Variants in NFIB observed in about 807,000 individuals in gnomAD.
The protein encoded by NFIB is nuclear factor 1 B-type.
Under a neutral mutation model 61.5 loss-of-function variants are expected in NFIB, and 11 were observed. The observed-to-expected ratio is 0.18, with a 90% confidence interval of 0.11 to 0.30. The LOEUF (loss-of-function observed/expected upper bound fraction) is 0.30. NFIB is among the 10% of genes least tolerant of loss of function. The pLI is 1.00. For missense variants in NFIB, 471 were observed against 608.9 expected, an observed-to-expected ratio of 0.77 and a Z score of 2.38; for synonymous variants, 260 against 216.5, an observed-to-expected ratio of 1.20 and a Z score of -1.76.
intron 2 of NFIB, among the ~76,000 whole-genome samples, chr9:14,223,587 T>C (rs2051984047): frequency 6.6e-6 from 1 of 152,150 alleles, no homozygotes; most frequent in Admixed American, 6.5e-5. Context: ...TCTCCTCTTG[T>C]GCAATTCAAT....
intron 2 of NFIB, among the ~76,000 whole-genome samples, chr9:14,209,243 T>C (rs756416927): frequency 6.6e-6 from 1 of 152,234 alleles, no homozygotes; most frequent in Non-Finnish European, 1.5e-5. Context: ...TCGTTTCCAA[T>C]ACTAAGCTGG....
chr9:14,159,456 G>A (rs2043882322), intron 3 of NFIB, among the ~76,000 whole-genome samples: 1 of 152,126 alleles, frequency 6.6e-6, no homozygotes, highest in Admixed American at 6.5e-5. Context: ...AAGGTTTCCT[G>A]AGGATGAGTG....
At chr9:14,153,537 A>T in intron 4 of NFIB, among the ~76,000 whole-genome samples, 1 of 152,124 alleles carries the variant, frequency 6.6e-6, no homozygotes, top group East Asian at 1.9e-4. Flanking sequence ...GTTAGAGGCC[A>T]ACCTTTAATC....
rs897245356 is a variant in NFIB, at chr9:14,116,447, T to C, written c.1246-101A>G. 1.1e-5 allele frequency: 13 copies of C among 1,232,202 alleles called. No homozygotes were observed. In the African/African-American group the frequency reaches 1.9e-4, roughly 18 times the overall value. The allele number at this position is 1,232,202 out of a possible 1,614,324, so 76.3% of individuals were successfully genotyped here. On this transcript the variant is annotated intron_variant, in intron 8 of 10. Transcript: ENST00000380953. Reference sequence around the variant, plus strand: ...ACACGACTGTGTGGATCCAGCACACTGCGCATAGGCGCCACACAGGCCCTC... The same window carrying C: ...ACACGACTGTGTGGATCCAGCACACCGCGCATAGGCGCCACACAGGCCCTC...
Position 14,313,664 on chromosome 9 carries a change from C to T in NFIB, c.-153G>A. The T allele has an allele frequency of 2.0e-6, 3 of 1,493,746 alleles. No individual in the cohort carries two copies. Among genetic ancestry groups the T allele is most frequent in the Non-Finnish European group, 1.8e-6 (2 of 1,122,192 alleles). The allele number at this position is 1,493,746 out of a possible 1,614,324, so 92.5% of individuals were successfully genotyped here. ...GGATCACCGCAACTTCACAACAAAC[C>T]CAGTCCTCCTTAAATAGCCAAAGAT... is the stretch of plus-strand genomic sequence containing the variant. On this transcript the variant is annotated 5_prime_UTR_variant, in exon 1 of 11. Coordinates refer to ENST00000380953, the MANE Select transcript of NFIB (RefSeq NM_001190737.2). This position sits in a 1 kb window ranked among gnomAD's most constrained non-coding sequence, Gnocchi z 4.5.
chr9:14,385,053 C>G (rs761900741), intron 1 of NFIB, among the ~76,000 whole-genome samples: 10 of 152,234 alleles, frequency 6.6e-5, no homozygotes, highest in Non-Finnish European at 1.3e-4. Context: ...TTCGCTCCAA[C>G]TTAGCTAAAG....
intron 2 of NFIB, among the ~76,000 whole-genome samples, chr9:14,193,836 A>T (rs1297685021): frequency 6.6e-6 from 1 of 152,218 alleles, no homozygotes; most frequent in Non-Finnish European, 1.5e-5. Flanking sequence ...AACATACAGC[A>T]TCAATTCACA....
At chr9:14,236,810 C>G (rs996153060) in intron 2 of NFIB, among the ~76,000 whole-genome samples, 5 of 150,870 alleles carry the variant, frequency 3.3e-5, no homozygotes, top group Non-Finnish European at 7.4e-5. Flanking sequence ...TGCTGATTAG[C>G]AAACAGTAAA....
chr9:14,385,551 A>C (rs1021935258), intron 1 of NFIB, among the ~76,000 whole-genome samples: 8 of 152,232 alleles, frequency 5.3e-5, no homozygotes, highest in Non-Finnish European at 1.5e-5. Context: ...GCATATGTTA[A>C]TATGAATAAC....
At chr9:14,215,246 G>C (rs2050731585) in intron 2 of NFIB, among the ~76,000 whole-genome samples, 1 of 148,166 alleles carries the variant, frequency 6.7e-6, no homozygotes, top group Non-Finnish European at 1.5e-5. Flanking sequence ...CAGCATATTG[G>C]AACCGAAGAA....
chr9:14,154,394 C>T (rs1244835416), intron 4 of NFIB, among the ~76,000 whole-genome samples: 2 of 152,148 alleles, frequency 1.3e-5, no homozygotes, highest in Non-Finnish European at 2.9e-5. Context: ...ATGGGGAAGA[C>T]ACACACACCC....
chr9:14,206,555 C>T (rs2049745461), intron 2 of NFIB, among the ~76,000 whole-genome samples: 1 of 151,790 alleles, frequency 6.6e-6, no homozygotes. Context: ...CCTTTTCTTC[C>T]TTGAGAGTTT....
At chr9:14,465,804 C>T in the NFIB span, among the ~76,000 whole-genome samples, 1 of 152,128 alleles carries the variant, frequency 6.6e-6, no homozygotes, top group Non-Finnish European at 1.5e-5. Flanking sequence ...TGTGGGGGCC[C>T]ATCCTGTGCA....
chr9:14,421,096 A>AAT, the NFIB span, among the ~76,000 whole-genome samples: 31 of 151,962 alleles, frequency 2.0e-4, no homozygotes, highest in African/African-American at 6.0e-4. Flanking sequence ...AAAAAAAAAA[A>AAT]AATAAGGCAT....
At chr9:14,374,837 G>A (rs1417258745) in intron 1 of NFIB, among the ~76,000 whole-genome samples, 1 of 152,154 alleles carries the variant, frequency 6.6e-6, no homozygotes, top group Non-Finnish European at 1.5e-5. Flanking sequence ...TTGAATCAGG[G>A]AGGCAGAGGT....
chr9:14,144,666 C>T (rs7042142), intron 6 of NFIB, among the ~76,000 whole-genome samples: 8,004 of 152,170 alleles, frequency 0.053, 610 homozygotes, highest in African/African-American at 0.17. Flanking sequence ...GACAACTAAT[C>T]CCATAAATAG....
At chr9:14,520,815 G>T in the NFIB span, among the ~76,000 whole-genome samples, 4 of 152,160 alleles carry the variant, frequency 2.6e-5, no homozygotes, top group Admixed American at 1.3e-4. Context: ...TAAGGGTAAG[G>T]CTGCTTCATG....
chr9:14,396,292 T>C (rs1335485797), intron 1 of NFIB, among the ~76,000 whole-genome samples: 2 of 152,070 alleles, frequency 1.3e-5, no homozygotes, highest in Non-Finnish European at 2.9e-5. Context: ...TCCATATAGT[T>C]GAAAAGAGGC....
the NFIB span, among the ~76,000 whole-genome samples, chr9:14,481,580 C>T: frequency 3.9e-5 from 6 of 151,982 alleles, no homozygotes; most frequent in Non-Finnish European, 8.8e-5. Context: ...GGATTTCTCT[C>T]ATCCCTTTAG....
Sources: gnomAD v4.1 joint callset for allele counts (sites outside exome capture counted in the v4.1 genomes callset) on GRCh38, gnomAD v4.1.1 for gene constraint, Gnocchi (gnomAD v3.1) non-coding constraint, MANE v1.5 for transcripts, NCBI Gene and HGNC (gene_info 2026-07-23, HGNC 2026-07-21) for gene names.